KNDC1: variants seen among roughly 807,000 people sequenced by gnomAD.
KNDC1 encodes kinase non-catalytic C-lobe domain-containing protein 1.
KNDC1 carries 106 observed loss-of-function variants against 172.8 expected under a neutral mutation model. The observed-to-expected ratio is 0.61, with a 90% CI of 0.52 to 0.72. The LOEUF is 0.72. Ranked by LOEUF, KNDC1 falls within the 30% of genes least tolerant of loss-of-function variation. KNDC1 has a pLI of 0.00. For missense variants in KNDC1, 2,325 were observed against 2,394.5 expected (o/e 0.97, Z 0.61); for synonymous variants, 1,083 against 1,062.2 (o/e 1.02, Z -0.38).
chr10:133,221,745 A>G (rs1036165493), intron 29 of KNDC1, among the ~76,000 whole-genome samples: 4 of 152,240 alleles, frequency 2.6e-5, no homozygotes, highest in African/African-American at 9.6e-5. Context: ...GCTTATCGTA[A>G]GAGATCAGAA....
At chr10:133,206,556 C>A in intron 17 of KNDC1, 129 bp from the exon 18 acceptor site, 1 of 785,938 alleles carries the variant, frequency 1.3e-6, no homozygotes, top group Non-Finnish European at 2.2e-6. Flanking sequence ...GGGCCTCTGT[C>A]TCCATGGGAC....
rs564420334 is a variant in KNDC1, at chr10:133,163,358, G to T, written c.102+2789G>T. Among the ~76,000 whole-genome samples the T allele has an allele frequency of 1.5e-4, 23 of 152,296 alleles. No individual in the cohort carries two copies. The highest frequency in any genetic ancestry group is 5.3e-4 in the African/African-American group (22 of 41,562). ...TGTCAGGCTGGGCTCAGAATCTGAG[G>T]CTGGACAGGATGCAGTTGCTCCCTG... On this transcript the variant is annotated intron_variant, in intron 1 of 29. Transcript: ENST00000304613. The surrounding 1 kb of genome is among the most constrained non-coding windows in gnomAD (Gnocchi z 4.4).
rs532433042 is a variant in KNDC1 at position 133,209,200 on chromosome 10, G to A, written c.3795-1411G>A. 8.2e-4 allele frequency among the ~76,000 whole-genome samples: 124 copies of A among 151,380 alleles called. 1 individual carries two copies. The highest frequency in any genetic ancestry group is 2.7e-3 in the African/African-American group (113 of 41,196). On this transcript the variant is annotated intron_variant, in intron 20 of 29. Coordinates refer to ENST00000304613, the MANE Select transcript of KNDC1 (RefSeq NM_152643.8). This position sits in a 1 kb window ranked among gnomAD's most constrained non-coding sequence, Gnocchi z 4.9. ...TGTATGGCATGGGGTGTAGTGTGGC[G>A]TGTACACGTGTGTGGTTGGGTTTTG...
chr10:133,172,128 A>G (rs1853395537), intron 3 of KNDC1, among the ~76,000 whole-genome samples: 1 of 152,166 alleles, frequency 6.6e-6, no homozygotes, highest in Admixed American at 6.5e-5. Flanking sequence ...TGAGTCTTGG[A>G]ACAGAAGCAG....
intron 1 of KNDC1, among the ~76,000 whole-genome samples, chr10:133,161,590 G>A (rs1417539763): frequency 6.6e-6 from 1 of 152,146 alleles, no homozygotes; most frequent in Admixed American, 6.5e-5. Context: ...GAGGCCCTCG[G>A]CCCAGCCACC....
rs755799594 is a variant in KNDC1, at chr10:133,186,216, G to C, written c.868G>C (p.Gly290Arg). 6 of 1,577,724 alleles carry C rather than the reference G, an allele frequency of 3.8e-6. No individual in the cohort carries two copies. Among genetic ancestry groups the C allele is most frequent in the African/African-American group, 1.4e-5 (1 of 73,922 alleles). Residue 290 changes from glycine (G) to arginine (R), a missense_variant, in exon 6 of 30, where the codon GGG (glycine) becomes CGG (arginine). By Grantham distance (125) the Gly-to-Arg change is moderately radical. Coordinates refer to ENST00000304613, the MANE Select transcript of KNDC1 (RefSeq NM_152643.8). The part of the protein sequence containing the change: ...GLVLDAERTL[G>R]ELDRDALRRS... ...CGTCCTGGATGCCGAGCGCACCCTC[G>C]GGGAGCTGGACAGAGACGCCCTCAG... is the stretch of plus-strand genomic sequence containing the variant.
chr10:133,162,932 G>A (rs1405665332), intron 1 of KNDC1, among the ~76,000 whole-genome samples: 1 of 152,246 alleles, frequency 6.6e-6, no homozygotes, highest in Non-Finnish European at 1.5e-5. Context: ...GGGCCAGCAG[G>A]TCCTGGAGGA....
chr10:133,197,655 G>A lies in KNDC1; in HGVS notation c.1813-20G>A, dbSNP rs201827423. Reference sequence around the variant, plus strand: ...GGAGCTCCGTGGTCACCTGGCCCAGGGCTGTCACCTCCTCCCCAGGTGTAC... The same window carrying A: ...GGAGCTCCGTGGTCACCTGGCCCAGAGCTGTCACCTCCTCCCCAGGTGTAC... On this transcript the variant is annotated intron_variant, in intron 11 of 29. Transcript: ENST00000304613. 112 of 1,597,188 alleles carry A rather than the reference G, an allele frequency of 7.0e-5. No homozygotes were observed. The African/African-American group carries it at 1.3e-3, about 18-fold the overall frequency.
chr10:133,190,658 T>G (rs1252080510), intron 9 of KNDC1, among the ~76,000 whole-genome samples: 2 of 152,186 alleles, frequency 1.3e-5, no homozygotes, highest in Non-Finnish European at 2.9e-5. Flanking sequence ...CTAGAGAAAC[T>G]CGGAATGGTC....
At chr10:133,164,469 G>A (rs556845900) in intron 1 of KNDC1, among the ~76,000 whole-genome samples, 1 of 152,322 alleles carries the variant, frequency 6.6e-6, no homozygotes, top group South Asian at 2.1e-4. Context: ...GTGCTGGGCA[G>A]ACAGGTGCGC....
intron 17 of KNDC1, among the ~76,000 whole-genome samples, chr10:133,205,180 T>C (rs1187842330): frequency 6.6e-6 from 1 of 152,166 alleles, no homozygotes; most frequent in Non-Finnish European, 1.5e-5. Flanking sequence ...TCTACGCCCG[T>C]GTGCCTGTCC....
Position 133,199,021 on chromosome 10 carries a change from A to G in KNDC1, c.2513A>G (p.Glu838Gly), listed in dbSNP as rs1456098309. 5.7e-6 allele frequency: 9 copies of G among 1,569,850 alleles called. No homozygotes were observed. The highest frequency in any genetic ancestry group is 7.8e-6 in the Non-Finnish European group (9 of 1,159,766). ...AAGCCCCCACGAAGCAAGGCCACCG[A>G]GCGCCCGGGCCAGGAGCCAGAGGGC... ...PPKPPRSKAT[E>G]RPGQEPEGPG... Residue 838 changes from glutamate (E) to glycine (G), a missense_variant, in exon 14 of 30, where the codon GAG (glutamate) becomes GGG (glycine). Transcript: ENST00000304613.
intron 9 of KNDC1, among the ~76,000 whole-genome samples, chr10:133,192,234 C>T (rs761535162): frequency 3.3e-5 from 5 of 152,200 alleles, no homozygotes; most frequent in African/African-American, 4.8e-5. Flanking sequence ...AGAGGCATCA[C>T]GTTACCCAAC....
intron 17 of KNDC1, among the ~76,000 whole-genome samples, chr10:133,204,299 G>A (rs541485419): frequency 1.7e-3 from 260 of 152,382 alleles, no homozygotes; most frequent in African/African-American, 5.8e-3. Flanking sequence ...CAACAGCCAC[G>A]TGTGGCTACT....
chr10:133,185,857 A>AGG, intron 5 of KNDC1, 117 bp from the exon 6 acceptor site: 2 of 122,800 alleles, frequency 1.6e-5, no homozygotes, highest in Admixed American at 2.2e-4. Flanking sequence ...GGGAGGGGAG[A>AGG]GGTGGGAGGG....
chr10:133,201,591 G>A lies in KNDC1; in HGVS notation c.3080G>A (p.Arg1027Gln), dbSNP rs151290179. The A allele has an allele frequency of 1.5e-4, 247 of 1,613,086 alleles. 1 individual carries two copies. The African/African-American group carries it at 2.4e-3, about 16-fold the overall frequency. The change falls in exon 17 of 30, where the codon CGG (arginine) becomes CAG (glutamine). Residue 1027 changes from arginine (R) to glutamine (Q), a missense_variant. Arg to Gln is a conservative substitution (Grantham distance 43). Transcript: ENST00000304613. ...GATGTGGACTCGGACGCACTGTCAC[G>A]GGGAAACTTCGAGGTGGGGTTTCGG... ...VSDVDSDALS[R>Q]GNFEVGFRPQ...
In KNDC1 at chr10:133,207,202, C is replaced by T. The variant is rs966092558; in HGVS notation, c.3645C>T (p.Ala1215=). The T allele has an allele frequency of 1.3e-5, 21 of 1,611,776 alleles. No homozygotes were observed. The highest frequency in any genetic ancestry group is 2.7e-5 in the African/African-American group (2 of 75,062). The part of the protein sequence containing the change: ...CTLPVIVNIA[A]APCDTLDFSP... ...TCCCAGTGATCGTGAACATCGCGGC[C>T]GCACCCTGCGACACGCTGGACTTCA... Residue 1215 remains alanine (A), a synonymous_variant, in exon 20 of 30, where the codon GCC becomes GCT. Coordinates refer to ENST00000304613, the MANE Select transcript of KNDC1 (RefSeq NM_152643.8).
chr10:133,195,468 T>C (rs117128090), intron 9 of KNDC1, among the ~76,000 whole-genome samples, 195 bp from the exon 10 acceptor site: 3,338 of 152,104 alleles, frequency 0.022, 45 homozygotes, highest in Middle Eastern at 0.034. Flanking sequence ...GACCTGCAGG[T>C]TCCTGGACCA....
chr10:133,220,055 A>T lies in KNDC1; in HGVS notation c.4961A>T (p.Gln1654Leu), dbSNP rs202218112. The change falls in exon 29 of 30, where the codon CAG becomes CTG. Residue 1654 changes from glutamine to leucine, a missense_variant. Physicochemically the swap from Gln to Leu is moderately radical, Grantham distance 113 (BLOSUM62 -2). Transcript: ENST00000304613. ...CACCTCCTGGCCATGCACATCCAGC[A>T]GCTGGAGACAGGCGGCTTCACCATG... is the stretch of plus-strand genomic sequence containing the variant. ...SAHLLAMHIQ[Q>L]LETGGFTMTN... is the part of the protein sequence containing the mutation. The T allele has an allele frequency of 6.4e-7, 1 of 1,563,968 alleles. No individual in the cohort carries two copies. The highest frequency in any genetic ancestry group is 8.7e-7 in the Non-Finnish European group (1 of 1,154,172).
Sources: gnomAD v4.1 joint callset for allele counts (sites outside exome capture counted in the v4.1 genomes callset) on GRCh38, gnomAD v4.1.1 for gene constraint, Gnocchi (gnomAD v3.1) non-coding constraint, MANE v1.5 for transcripts, NCBI Gene and HGNC (gene_info 2026-07-23, HGNC 2026-07-21) for gene names.